CFAP299: variants seen among roughly 807,000 people sequenced by gnomAD.
The protein encoded by CFAP299 is cilia- and flagella-associated protein 299.
A neutral mutation model predicts 27.0 loss-of-function variants in CFAP299; 21 were observed. The ratio of observed to expected loss-of-function variants is 0.78; its 90% CI spans 0.55 to 1.12. The LOEUF is 1.12. Among genes scored for constraint, CFAP299 ranks in the 50% most tolerant of loss-of-function variants. CFAP299 has a pLI of 0.00. For synonymous variants in CFAP299, 104 were observed against 98.1 expected (o/e 1.06, Z -0.36); for missense variants, 310 against 276.6 (o/e 1.12, Z -0.86).
At chr4:80,442,480 C>A (rs1728405634) in intron 2 of CFAP299, among the ~76,000 whole-genome samples, 1 of 152,062 alleles carries the variant, frequency 6.6e-6, no homozygotes, top group South Asian at 2.1e-4. Flanking sequence ...GAAATTAAGG[C>A]AGAAATAAAT....
At chr4:80,357,405 A>G (rs1044204835) in intron 1 of CFAP299, among the ~76,000 whole-genome samples, 1 of 152,188 alleles carries the variant, frequency 6.6e-6, no homozygotes, top group African/African-American at 2.4e-5. Context: ...TAGTTTCAGC[A>G]TGAATGGTAC....
At chr4:80,485,265 A>G (rs1441206209) in intron 2 of CFAP299, among the ~76,000 whole-genome samples, 1 of 149,078 alleles carries the variant, frequency 6.7e-6, no homozygotes, top group Non-Finnish European at 1.5e-5. Flanking sequence ...TAAAATATAT[A>G]TGAAATTTTA....
intron 3 of CFAP299, among the ~76,000 whole-genome samples, chr4:80,620,226 C>T (rs1187494288): frequency 6.6e-6 from 1 of 152,128 alleles, no homozygotes; most frequent in Non-Finnish European, 1.5e-5. Flanking sequence ...TTTATAGACA[C>T]AACAATCTTC....
intron 3 of CFAP299, among the ~76,000 whole-genome samples, chr4:80,642,021 G>T (rs140848756): frequency 6.6e-6 from 1 of 152,200 alleles, no homozygotes; most frequent in East Asian, 1.9e-4. Flanking sequence ...AGGAGTCACC[G>T]TATGAAGGTA....
intron 3 of CFAP299, among the ~76,000 whole-genome samples, chr4:80,692,554 T>A (rs2110017902): frequency 6.6e-6 from 1 of 152,220 alleles, no homozygotes; most frequent in East Asian, 1.9e-4. Context: ...TCAAGATGGA[T>A]TAAAGACTTA....
At position 80,695,428 on chromosome 4, in the gene CFAP299, A is replaced by G. The variant is rs200197638; in HGVS notation, c.333+112245A>G. On this transcript the variant is annotated intron_variant, in intron 3 of 5. Transcript: ENST00000358105. Reference sequence around the variant, plus strand: ...GTGTGAAGTCTGATTGCCATTTTCAATAGATACCTTCACTACCCAGATGGG... The same window carrying G: ...GTGTGAAGTCTGATTGCCATTTTCAGTAGATACCTTCACTACCCAGATGGG... Among the ~76,000 whole-genome samples, 6 of 152,308 alleles carry G rather than the reference A, an allele frequency of 3.9e-5. No individual in the cohort carries two copies. In the East Asian group the frequency reaches 9.7e-4, roughly 25 times the overall value.
intron 3 of CFAP299, among the ~76,000 whole-genome samples, chr4:80,691,231 A>G (rs1720662502): frequency 7.8e-6 from 1 of 128,154 alleles, no homozygotes; most frequent in Non-Finnish European, 1.6e-5. Flanking sequence ...CTGGGCAGAG[A>G]CACAACCAAA....
At chr4:80,502,578 G>C (rs959056728) in intron 2 of CFAP299, among the ~76,000 whole-genome samples, 1 of 151,922 alleles carries the variant, frequency 6.6e-6, no homozygotes, top group Non-Finnish European at 1.5e-5. Flanking sequence ...TATAGCATTT[G>C]TCACTTAAGA....
chr4:80,613,094 G>A (rs1738083712), intron 3 of CFAP299, among the ~76,000 whole-genome samples: 1 of 152,114 alleles, frequency 6.6e-6, no homozygotes, highest in African/African-American at 2.4e-5. Flanking sequence ...AAGTAAGCAA[G>A]GCATGGGGAG....
chr4:80,851,439 C>T (rs1731518272), intron 3 of CFAP299, among the ~76,000 whole-genome samples: 1 of 152,022 alleles, frequency 6.6e-6, no homozygotes, highest in East Asian at 1.9e-4. Context: ...AGACACTATG[C>T]ATTTCATTAT....
intron 3 of CFAP299, among the ~76,000 whole-genome samples, chr4:80,687,884 G>T (rs1720321472): frequency 6.6e-6 from 1 of 152,226 alleles, no homozygotes; most frequent in African/African-American, 2.4e-5. Flanking sequence ...GGGAAGCACA[G>T]GGGGGTCAGG....
chr4:80,759,697 T>C (rs1725445540), intron 3 of CFAP299, among the ~76,000 whole-genome samples: 2 of 152,196 alleles, frequency 1.3e-5, no homozygotes, highest in Non-Finnish European at 2.9e-5. Flanking sequence ...CCAGGCTTTC[T>C]AGTAAACATA....
At chr4:80,396,554 G>A (rs1215674086) in intron 2 of CFAP299, among the ~76,000 whole-genome samples, 1 of 152,134 alleles carries the variant, frequency 6.6e-6, no homozygotes, top group Non-Finnish European at 1.5e-5. Flanking sequence ...ACATTAACCT[G>A]CTAGTAGATT....
At chr4:80,594,287 G>A (rs150735020) in intron 3 of CFAP299, among the ~76,000 whole-genome samples, 74 of 152,256 alleles carry the variant, frequency 4.9e-4, no homozygotes, top group Non-Finnish European at 2.4e-4. Context: ...GAGATTGAAG[G>A]TGGAACTTTT....
intron 2 of CFAP299, among the ~76,000 whole-genome samples, chr4:80,412,006 A>G (rs570202541): frequency 2.6e-5 from 4 of 152,254 alleles, no homozygotes; most frequent in Non-Finnish European, 2.9e-5. Flanking sequence ...AAGTCATCCA[A>G]TGAACTAGGG....
chr4:80,915,287 A>C (rs1304085277), intron 4 of CFAP299, among the ~76,000 whole-genome samples: 1 of 151,894 alleles, frequency 6.6e-6, no homozygotes, highest in East Asian at 1.9e-4. Context: ...GGTTTTTTTT[A>C]AAACATTTTA....
Position 80,870,057 on chromosome 4 carries a change from C to G in CFAP299, c.398C>G (p.Ala133Gly). The change falls in exon 4 of 6, where the codon GCC becomes GGC. Residue 133 changes from alanine (A) to glycine (G), a missense_variant. Physicochemically the swap from Ala to Gly is moderately conservative, Grantham distance 60. Transcript: ENST00000358105. ...GQEISGYIDYAHRLKTEDFEV... is the reference protein window; with the variant it reads ...GQEISGYIDYGHRLKTEDFEV... ...GAGATATCAGGATACATCGACTATG[C>G]CCACAGGCTAAAGACGGAAGATTTT... The G allele has an allele frequency of 6.2e-7, 1 of 1,613,632 alleles. No homozygotes were observed. Among genetic ancestry groups the G allele is most frequent in the Non-Finnish European group, 8.5e-7 (1 of 1,179,664 alleles).
chr4:80,950,318 A>G (rs1737712345), intron 5 of CFAP299, among the ~76,000 whole-genome samples: 1 of 151,050 alleles, frequency 6.6e-6, no homozygotes, highest in Non-Finnish European at 1.5e-5. Flanking sequence ...TTAAAGGTGA[A>G]TCTGGAAGGT....
Position 80,362,802 on chromosome 4 carries a change from GGAGA to G in CFAP299, c.166_169del (p.Arg56Ter). 1 of 1,613,520 alleles carries G rather than the reference GGAGA, an allele frequency of 6.2e-7. No homozygotes were observed. The highest frequency in any genetic ancestry group is 8.5e-7 in the Non-Finnish European group (1 of 1,179,892). On this transcript the variant is annotated frameshift_variant, in exon 2 of 6. Coordinates refer to ENST00000358105, the MANE Select transcript of CFAP299 (RefSeq NM_152770.3). LOFTEE classifies it high-confidence loss of function. ...GGTGGAGCTAGGCTACCGAGGGACT[GGAGA>G]GAGAGTGAAAAGGGAAGATTTTGAA...
Sources: allele counts gnomAD v4.1 joint callset (sites outside exome capture counted in the v4.1 genomes callset), GRCh38; gene constraint gnomAD v4.1.1; transcripts MANE v1.5; gene names NCBI Gene and HGNC (gene_info 2026-07-23, HGNC 2026-07-21).